RNF182: variants seen among roughly 807,000 people sequenced by gnomAD.
RNF182 encodes the protein E3 ubiquitin-protein ligase RNF182.
RNF182 carries 15 observed loss-of-function variants against 14.4 expected under a neutral mutation model. The ratio of observed to expected loss-of-function variants is 1.04; its 90% confidence interval spans 0.70 to 1.60. The LOEUF (loss-of-function observed/expected upper bound fraction) is 1.60. Ranked by LOEUF, RNF182 falls within the 40% of genes most tolerant of loss-of-function variation. RNF182 has a pLI of 0.00. For missense variants in RNF182, 268 were observed against 294.8 expected (o/e 0.91, Z 0.67); for synonymous variants, 128 against 122.9 (o/e 1.04, Z -0.27).
Position 13,953,078 on chromosome 6 carries a change from G to T in RNF182, c.-366-21132G>T, listed in dbSNP as rs142737664. 2.4e-3 allele frequency among the ~76,000 whole-genome samples: 363 copies of T among 152,262 alleles called. 1 individual carries two copies. Among genetic ancestry groups the T allele is most frequent in the African/African-American group, 8.1e-3 (338 of 41,540 alleles). ...AAGACAGGACATCAGGACATTTCCT[G>T]GGTCTGTTATTTACTGGGTTTGTTA... On this transcript the variant is annotated intron_variant, in intron 1 of 2. Coordinates refer to ENST00000488300, the MANE Select transcript of RNF182 (RefSeq NM_152737.4).
At chr6:13,966,028 A>G (rs1760020038) in intron 1 of RNF182, among the ~76,000 whole-genome samples, 1 of 152,208 alleles carries the variant, frequency 6.6e-6, no homozygotes, top group African/African-American at 2.4e-5. Flanking sequence ...GACGGAGCTC[A>G]GATAAAACAA....
intron 1 of RNF182, among the ~76,000 whole-genome samples, chr6:13,939,097 CA>C (rs1260244214): frequency 1.3e-5 from 2 of 152,014 alleles, no homozygotes; most frequent in African/African-American, 2.4e-5. Flanking sequence ...AAAACAAAAC[CA>C]AAAAGTGTTT....
intron 1 of RNF182, among the ~76,000 whole-genome samples, chr6:13,937,774 TCAACATCAG>T (rs1361416101): frequency 2.0e-3 from 309 of 152,340 alleles, no homozygotes; most frequent in African/African-American, 7.2e-3. Context: ...GGCGACATTC[TCAACATCAG>T]TGTATGAAAG....
chr6:13,972,132 A>G (rs1760201712), intron 1 of RNF182, among the ~76,000 whole-genome samples: 1 of 151,716 alleles, frequency 6.6e-6, no homozygotes, highest in Non-Finnish European at 1.5e-5. Context: ...AACCCCGTCT[A>G]CTAAAAAATA....
At chr6:13,938,175 ATTTTTT>A (rs1169253099) in intron 1 of RNF182, among the ~76,000 whole-genome samples, 1 of 92,732 alleles carries the variant, frequency 1.1e-5, no homozygotes, top group Non-Finnish European at 2.1e-5. Context: ...AATTTTTTGT[ATTTTTT>A]TTTTTTTTTT....
intron 1 of RNF182, among the ~76,000 whole-genome samples, chr6:13,946,994 T>C (rs1759454523): frequency 6.6e-6 from 1 of 152,214 alleles, no homozygotes. Context: ...TCCTGAATTA[T>C]ATACAAAGAG....
intron 1 of RNF182, among the ~76,000 whole-genome samples, chr6:13,933,029 T>C (rs1759011687): frequency 6.6e-6 from 1 of 152,178 alleles, no homozygotes; most frequent in East Asian, 1.9e-4. Context: ...TATGGTTGCT[T>C]ATTGATCACC....
intron 1 of RNF182, among the ~76,000 whole-genome samples, chr6:13,954,211 A>G (rs1759673572): frequency 6.6e-6 from 1 of 152,220 alleles, no homozygotes; most frequent in Non-Finnish European, 1.5e-5. Context: ...CTCAGTATGT[A>G]TCTTCAAAAC....
chr6:13,947,260 A>G (rs1439764030), intron 1 of RNF182, among the ~76,000 whole-genome samples: 2 of 152,188 alleles, frequency 1.3e-5, no homozygotes, highest in Non-Finnish European at 2.9e-5. Context: ...ATTGCAGAAA[A>G]AACTCAAAAA....
intron 1 of RNF182, among the ~76,000 whole-genome samples, chr6:13,928,704 A>G (rs920086762): frequency 1.3e-5 from 2 of 152,210 alleles, no homozygotes; most frequent in Admixed American, 6.5e-5. Context: ...ATTTCCATAC[A>G]TGTTTTGAAC....
chr6:13,963,567 C>T (rs1759934743), intron 1 of RNF182, among the ~76,000 whole-genome samples: 1 of 152,160 alleles, frequency 6.6e-6, no homozygotes, highest in African/African-American at 2.4e-5. Flanking sequence ...GCTGGATGGT[C>T]TCTAATGGTC....
At chr6:13,951,388 AAGAG>A (rs1452553500) in intron 1 of RNF182, among the ~76,000 whole-genome samples, 2 of 152,154 alleles carry the variant, frequency 1.3e-5, no homozygotes, top group African/African-American at 2.4e-5. Context: ...GATCCCCAAA[AAGAG>A]AGAATTAGCC....
intron 1 of RNF182, among the ~76,000 whole-genome samples, chr6:13,938,970 C>G (rs1759214033): frequency 1.3e-5 from 2 of 152,138 alleles, no homozygotes. Flanking sequence ...GTAATCCCAG[C>G]TACTTGGGTG....
At chr6:13,938,371 G>A (rs1220257888) in intron 1 of RNF182, among the ~76,000 whole-genome samples, 1 of 151,732 alleles carries the variant, frequency 6.6e-6, no homozygotes, top group Non-Finnish European at 1.5e-5. Context: ...GAAGTCCTTT[G>A]TGCAATGTAT....
chr6:13,927,867 C>T (rs1258650874), intron 1 of RNF182, among the ~76,000 whole-genome samples: 1 of 151,318 alleles, frequency 6.6e-6, no homozygotes. Flanking sequence ...TCTTCATTAC[C>T]AAAACACTTA....
intron 1 of RNF182, among the ~76,000 whole-genome samples, chr6:13,943,214 A>T (rs569149351): frequency 6.6e-6 from 1 of 152,116 alleles, no homozygotes; most frequent in East Asian, 1.9e-4. Flanking sequence ...ATATATCAAA[A>T]CCCTTGGTAA....
chr6:13,960,692 T>TGTGTGCGCGCGCGC (rs367625022), intron 1 of RNF182, among the ~76,000 whole-genome samples: 23 of 137,804 alleles, frequency 1.7e-4, no homozygotes, highest in African/African-American at 5.6e-4. Context: ...TGTGTGTGTG[T>TGTGTGCGCGCGCGC]GCGCGCGTGC....
At position 13,978,249 on chromosome 6, in the gene RNF182, C is replaced by T. The variant is rs1261420114; in HGVS notation, c.*386C>T. 5 of 185,782 alleles carry T rather than the reference C, an allele frequency of 2.7e-5. No homozygotes were observed. The highest frequency in any genetic ancestry group is 5.1e-5 in the Non-Finnish European group (4 of 78,726). The allele number at this position is 185,782 out of a possible 1,614,324, so 11.5% of individuals were successfully genotyped here. ...GCAGTTGGACACAAGAGGAAAGTTG[C>T]TCTGAGACACAAAGTGTGTACTCCT... is the stretch of plus-strand genomic sequence containing the variant. On this transcript the variant is annotated 3_prime_UTR_variant, in exon 3 of 3. Coordinates refer to ENST00000488300, the MANE Select transcript of RNF182 (RefSeq NM_152737.4).
intron 1 of RNF182, among the ~76,000 whole-genome samples, chr6:13,965,426 T>G (rs568648898): frequency 2.6e-5 from 4 of 152,248 alleles, no homozygotes; most frequent in Non-Finnish European, 4.4e-5. Flanking sequence ...AAGAAACAAA[T>G]TTTTTGAGCT....
Sources: allele counts gnomAD v4.1 joint callset (sites outside exome capture counted in the v4.1 genomes callset), GRCh38; gene constraint gnomAD v4.1.1; transcripts MANE v1.5; gene names NCBI Gene and HGNC (gene_info 2026-07-23, HGNC 2026-07-21).